Variants in DENND4A observed in about 807,000 individuals in gnomAD.
The protein encoded by DENND4A is C-myc promoter-binding protein.
In DENND4A, 70 loss-of-function variants were observed where a neutral mutation model predicts 199.3. That is an observed-to-expected ratio of 0.35 (90% CI 0.29 to 0.43). The LOEUF (loss-of-function observed/expected upper bound fraction) is 0.43. Ranked by LOEUF, DENND4A falls within the 20% of genes least tolerant of loss-of-function variation. DENND4A has a pLI of 1.00. For synonymous variants in DENND4A, 686 were observed against 766.9 expected, an observed-to-expected ratio of 0.89 and a Z score of 1.74; for missense variants, 1,723 against 2,255.8, an observed-to-expected ratio of 0.76 and a Z score of 4.78.
chr15:65,666,834 T>G (rs1293009145), intron 29 of DENND4A, among the ~76,000 whole-genome samples: 1 of 150,948 alleles, frequency 6.6e-6, no homozygotes, highest in African/African-American at 2.4e-5. Context: ...AAGATGTAAG[T>G]GGGCCTAACT....
intron 4 of DENND4A, 81 bp from the exon 5 acceptor site, chr15:65,741,865 G>A: frequency 1.8e-6 from 2 of 1,127,422 alleles, no homozygotes; most frequent in Non-Finnish European, 2.6e-6. Context: ...GAGCTCTCTA[G>A]TATGTATTAT....
At chr15:65,699,547 C>T (rs915879644) in intron 20 of DENND4A, among the ~76,000 whole-genome samples, 2 of 150,332 alleles carry the variant, frequency 1.3e-5, no homozygotes, top group African/African-American at 4.9e-5. Flanking sequence ...TATAAACATA[C>T]ACATAAGATA....
intron 4 of DENND4A, among the ~76,000 whole-genome samples, chr15:65,745,070 T>C (rs1299488924): frequency 2.0e-5 from 3 of 152,178 alleles, no homozygotes; most frequent in Non-Finnish European, 2.9e-5. Flanking sequence ...TTAGATGTAC[T>C]TAAAAATCTG....
chr15:65,677,699 G>T (rs970191842), intron 23 of DENND4A, among the ~76,000 whole-genome samples: 1 of 151,950 alleles, frequency 6.6e-6, no homozygotes, highest in African/African-American at 2.4e-5. Context: ...TCCTCAAGTG[G>T]ATACCTAAGT....
Position 65,691,503 on chromosome 15 carries a change from G to C in DENND4A, c.3091C>G (p.Pro1031Ala). Residue 1031 changes from proline to alanine, a missense_variant, in exon 23 of 33, where the codon CCT becomes GCT. By Grantham distance (27) the Pro-to-Ala change is conservative. Transcript: ENST00000443035. Reference protein sequence around the residue: ...KISGESMESTPELLLISSLED... With the variant: ...KISGESMESTAELLLISSLED... Reference sequence around the variant, plus strand: ...AGAGATGATATTAAGAGCAGCTCAGGTGTGCTTTCTGAAAAACAAGTAAAG... The same window carrying C: ...AGAGATGATATTAAGAGCAGCTCAGCTGTGCTTTCTGAAAAACAAGTAAAG... 1 of 1,582,698 alleles carries C rather than the reference G, an allele frequency of 6.3e-7. No homozygotes were observed. Among genetic ancestry groups the C allele is most frequent in the Non-Finnish European group, 8.6e-7 (1 of 1,166,416 alleles).
At chr15:65,765,664 C>T (rs2076966181) in intron 1 of DENND4A, among the ~76,000 whole-genome samples, 1 of 152,142 alleles carries the variant, frequency 6.6e-6, no homozygotes, top group Non-Finnish European at 1.5e-5. Context: ...TACAACATAT[C>T]CATCACCAAA....
At chr15:65,785,266 A>C (rs1010040986) in intron 1 of DENND4A, among the ~76,000 whole-genome samples, 2 of 151,750 alleles carry the variant, frequency 1.3e-5, no homozygotes, top group Non-Finnish European at 2.9e-5. Flanking sequence ...TTGGGGGGCC[A>C]AGGCAGGCAC....
At chr15:65,677,192 T>C (rs1417695806) in intron 23 of DENND4A, among the ~76,000 whole-genome samples, 1 of 152,176 alleles carries the variant, frequency 6.6e-6, no homozygotes, top group Admixed American at 6.5e-5. Context: ...TGTGTGCATA[T>C]TGTTATTTTT....
At chr15:65,684,584 T>C (rs559298052) in intron 23 of DENND4A, among the ~76,000 whole-genome samples, 1 of 152,308 alleles carries the variant, frequency 6.6e-6, no homozygotes, top group South Asian at 2.1e-4. Flanking sequence ...GCTGTGTGAG[T>C]TGTTTGTATA....
chr15:65,722,989 C>T lies in DENND4A; in HGVS notation c.1488-41G>A, dbSNP rs776243754. The T allele has an allele frequency of 2.7e-6, 4 of 1,489,444 alleles. No homozygotes were observed. The South Asian group carries it at 3.8e-5, about 14-fold the overall frequency. 92.3% of individuals were successfully genotyped at this position (1,489,444 alleles called of 1,614,324 possible). A position where few individuals can be genotyped will look rare whatever the true frequency, so the allele number is the denominator to read the frequency against. ...AACAGGAATATATTTGTTACATGGT[C>T]TTTTGGAGGGGAAAGGTATATATCT... On this transcript the variant is annotated intron_variant, in intron 11 of 32. Coordinates refer to ENST00000443035, the MANE Select transcript of DENND4A (RefSeq NM_001320835.1).
At chr15:65,709,265 T>C (rs1412121689) in intron 14 of DENND4A, among the ~76,000 whole-genome samples, 2 of 152,220 alleles carry the variant, frequency 1.3e-5, no homozygotes, top group African/African-American at 4.8e-5. Context: ...TAGTAAGCAC[T>C]GATTTTTTGT....
chr15:65,711,511 A>C (rs1417610626), intron 14 of DENND4A, among the ~76,000 whole-genome samples: 1 of 152,120 alleles, frequency 6.6e-6, no homozygotes, highest in Non-Finnish European at 1.5e-5. Context: ...AAAATAATAA[A>C]GAAAAAAAAC....
At chr15:65,779,820 T>C (rs1212902067) in intron 1 of DENND4A, among the ~76,000 whole-genome samples, 1 of 152,170 alleles carries the variant, frequency 6.6e-6, no homozygotes. Context: ...CAGCTAATTT[T>C]TGTATTTTTA....
chr15:65,762,792 C>T (rs1329177145), intron 1 of DENND4A, among the ~76,000 whole-genome samples: 1 of 151,572 alleles, frequency 6.6e-6, no homozygotes, highest in Non-Finnish European at 1.5e-5. Context: ...GCAAATACCA[C>T]ACCATTTTAC....
rs776682420 is a variant in DENND4A at position 65,690,893 on chromosome 15, T to C, written c.3701A>G (p.Asp1234Gly). 6.2e-7 allele frequency: 1 copy of C among 1,609,596 alleles called. No individual in the cohort carries two copies. Among genetic ancestry groups the C allele is most frequent in the Non-Finnish European group, 8.5e-7 (1 of 1,177,956 alleles). Residue 1234 changes from aspartate (D) to glycine (G), a missense_variant, in exon 23 of 33, where the codon GAT (aspartate) becomes GGT (glycine). Asp to Gly is a moderately conservative substitution (Grantham distance 94). Transcript: ENST00000443035. Reference sequence around the variant, plus strand: ...TGGTGTTGAAATGCTTTTGCTATCATCTTCATCCTCCTCCTCTTCTTCTTT... The same window carrying C: ...TGGTGTTGAAATGCTTTTGCTATCACCTTCATCCTCCTCCTCTTCTTCTTT... ...QQKEEEEEDEDDSKSISTPSA... is the reference protein window; with the variant it reads ...QQKEEEEEDEGDSKSISTPSA...
At chr15:65,665,789 T>TG (rs1381700750) in intron 29 of DENND4A, among the ~76,000 whole-genome samples, 4 of 152,192 alleles carry the variant, frequency 2.6e-5, no homozygotes, top group Non-Finnish European at 2.9e-5. Flanking sequence ...TCCAACACCC[T>TG]GGCCCAGATA....
At chr15:65,682,478 T>C (rs1019152090) in intron 23 of DENND4A, among the ~76,000 whole-genome samples, 2 of 152,204 alleles carry the variant, frequency 1.3e-5, no homozygotes, top group African/African-American at 2.4e-5. Flanking sequence ...GAGAGTTAGT[T>C]AGGGCCTTGC....
chr15:65,706,936 C>CT (rs1296634314), intron 14 of DENND4A, among the ~76,000 whole-genome samples: 1 of 152,104 alleles, frequency 6.6e-6, no homozygotes, highest in East Asian at 1.9e-4. Context: ...TTGAATATAC[C>CT]TTTTTATATG....
chr15:65,684,918 G>T (rs1319009603), intron 23 of DENND4A, among the ~76,000 whole-genome samples: 1 of 151,212 alleles, frequency 6.6e-6, no homozygotes, highest in East Asian at 1.9e-4. Context: ...TCCGCCTCCG[G>T]GCTTCAAGCG....
Sources: gnomAD v4.1 joint callset for allele counts (sites outside exome capture counted in the v4.1 genomes callset) on GRCh38, gnomAD v4.1.1 for gene constraint, MANE v1.5 for transcripts, NCBI Gene and HGNC (gene_info 2026-07-23, HGNC 2026-07-21) for gene names.